FOXP2: variants seen among roughly 807,000 people sequenced by gnomAD.
The protein encoded by FOXP2 is forkhead box P2.
FOXP2 carries 12 observed loss-of-function variants against 115.8 expected under a neutral mutation model. That is an observed-to-expected ratio of 0.10 (90% confidence interval 0.07 to 0.17). The LOEUF (loss-of-function observed/expected upper bound fraction) is 0.17, where lower values mean the gene tolerates loss of function less well. FOXP2 is among the 10% of genes least tolerant of loss of function. The probability of loss-of-function intolerance (pLI) is 1.00; values close to 1 mark genes in which losing one functional copy is unlikely to be tolerated. For missense variants in FOXP2, 629 were observed against 843.5 expected, an observed-to-expected ratio of 0.75 and a Z score of 3.15; for synonymous variants, 328 against 297.7, an observed-to-expected ratio of 1.10 and a Z score of -1.05.
chr7:114,086,469 T>C, upstream of FOXP2: 1 of 340,298 alleles, frequency 2.9e-6, no homozygotes, highest in South Asian at 2.1e-5. Context: ...TGCGGCTTCC[T>C]CGGCCCCCCC....
chr7:114,116,022 T>A (rs899291041), intron 1 of FOXP2, among the ~76,000 whole-genome samples: 1 of 152,186 alleles, frequency 6.6e-6, no homozygotes, highest in Non-Finnish European at 1.5e-5. Flanking sequence ...AAATAGAATT[T>A]TTTTTGCTTT....
At chr7:114,143,216 A>G (rs1235933317) in intron 1 of FOXP2, among the ~76,000 whole-genome samples, 1 of 151,306 alleles carries the variant, frequency 6.6e-6, no homozygotes, top group African/African-American at 2.4e-5. Flanking sequence ...TGGAGAAATC[A>G]GCTGTGTCCC....
chr7:114,567,055 G>A (rs1293738854), intron 3 of FOXP2, among the ~76,000 whole-genome samples: 1 of 152,072 alleles, frequency 6.6e-6, no homozygotes, highest in East Asian at 1.9e-4. Flanking sequence ...TACTCATATA[G>A]GAGAGTCTTT....
intron 2 of FOXP2, among the ~76,000 whole-genome samples, chr7:114,467,988 C>T (rs1782701618): frequency 6.6e-6 from 1 of 152,158 alleles, no homozygotes; most frequent in Non-Finnish European, 1.5e-5. Flanking sequence ...GCATTGTCCT[C>T]AGTCTACTGC....
At chr7:114,597,595 T>C (rs1802797632) in intron 3 of FOXP2, among the ~76,000 whole-genome samples, 2 of 152,096 alleles carry the variant, frequency 1.3e-5, no homozygotes, top group South Asian at 2.1e-4. Context: ...GCTGGGTGAC[T>C]AGACAGAGTT....
At chr7:114,196,838 T>C (rs2129158646) in intron 1 of FOXP2, among the ~76,000 whole-genome samples, 1 of 152,268 alleles carries the variant, frequency 6.6e-6, no homozygotes, top group Admixed American at 6.5e-5. Context: ...ATCTTACTTG[T>C]TTTTAAAATA....
At chr7:114,294,362 T>C (rs1221364147) in intron 2 of FOXP2, among the ~76,000 whole-genome samples, 1 of 152,164 alleles carries the variant, frequency 6.6e-6, no homozygotes, top group Non-Finnish European at 1.5e-5. Context: ...AGTTTTCTGC[T>C]ATCTTTTAAT....
intron 1 of FOXP2, among the ~76,000 whole-genome samples, chr7:114,247,567 A>G (rs1795318412): frequency 2.0e-5 from 3 of 152,196 alleles, no homozygotes; most frequent in Non-Finnish European, 4.4e-5. Context: ...TCTAACTGGC[A>G]CATGGCTGCG....
At chr7:114,448,448 T>G (rs1433426736) in intron 2 of FOXP2, among the ~76,000 whole-genome samples, 1 of 152,128 alleles carries the variant, frequency 6.6e-6, no homozygotes, top group Non-Finnish European at 1.5e-5. Context: ...GTCACCATAA[T>G]ATAGTAAATG....
At chr7:114,549,960 A>G (rs1328096668) in intron 3 of FOXP2, among the ~76,000 whole-genome samples, 1 of 151,914 alleles carries the variant, frequency 6.6e-6, no homozygotes, top group East Asian at 1.9e-4. Context: ...TTCTAACTTT[A>G]ATTTTAATAT....
chr7:114,145,165 G>A (rs556697981), intron 1 of FOXP2, among the ~76,000 whole-genome samples: 2 of 152,046 alleles, frequency 1.3e-5, no homozygotes, highest in South Asian at 2.1e-4. Flanking sequence ...TGTACAGTAC[G>A]AATAATAATA....
rs1426025024 is a variant in FOXP2 at position 114,291,919 on chromosome 7, T to TACAG, written c.-11+3811_-11+3812insCAGA. On this transcript the variant is annotated intron_variant, in intron 2 of 17. Coordinates refer to the FOXP2 transcript ENST00000634411. ...TATAGATAATATATAGAATATATATTATAGATAATATATAGAATATATATT... is the reference window on the plus strand; with the variant it reads ...TATAGATAATATATAGAATATATATTACAGATAGATAATATATAGAATATATATT... Among the ~76,000 whole-genome samples the TACAG allele has an allele frequency of 3.4e-3, 494 of 143,364 alleles. 23 individuals are homozygous for TACAG. Among genetic ancestry groups the TACAG allele is most frequent in the Non-Finnish European group, 4.1e-3 (268 of 65,632 alleles). The allele number at this position is 143,364 out of a possible 152,430, so 94.1% of individuals were successfully genotyped here.
At chr7:114,645,091 A>C (rs550653955) in intron 8 of FOXP2, 1 of 154,430 alleles carries the variant, frequency 6.5e-6, no homozygotes, top group African/African-American at 2.8e-5. Flanking sequence ...AATTCTCTTA[A>C]GTTTTAAGTT....
chr7:114,539,466 T>C (rs115275371), intron 3 of FOXP2, among the ~76,000 whole-genome samples: 1,734 of 151,972 alleles, frequency 0.011, 27 homozygotes, highest in African/African-American at 0.036. Context: ...ATGCCAGAAA[T>C]TTAGAAATAA....
chr7:114,381,936 C>G (rs1792313837), intron 2 of FOXP2, among the ~76,000 whole-genome samples: 1 of 152,154 alleles, frequency 6.6e-6, no homozygotes, highest in African/African-American at 2.4e-5. Context: ...TATTGTCCTT[C>G]TGTTGCCCAG....
chr7:114,651,268 C>T (rs895248406), intron 8 of FOXP2, among the ~76,000 whole-genome samples: 8 of 152,038 alleles, frequency 5.3e-5, no homozygotes, highest in Non-Finnish European at 8.8e-5. Flanking sequence ...ATGATGAGAA[C>T]ATCTCTGAAA....
At chr7:114,443,328 G>A (rs760876113) in intron 2 of FOXP2, among the ~76,000 whole-genome samples, 1 of 152,066 alleles carries the variant, frequency 6.6e-6, no homozygotes, top group Non-Finnish European at 1.5e-5. Flanking sequence ...AGGCACATGC[G>A]ATTTATTCTA....
At chr7:114,425,089 G>A (rs1227254470) in intron 1 of FOXP2, among the ~76,000 whole-genome samples, 1 of 151,454 alleles carries the variant, frequency 6.6e-6, no homozygotes, top group African/African-American at 2.4e-5. Flanking sequence ...TAGTGTTTGT[G>A]TGCATCGCAT....
chr7:114,354,222 C>T (rs1791561415), intron 2 of FOXP2, among the ~76,000 whole-genome samples: 1 of 152,052 alleles, frequency 6.6e-6, no homozygotes, highest in Non-Finnish European at 1.5e-5. Flanking sequence ...GAGAATTACA[C>T]CATCAGATCC....
Sources: gnomAD v4.1 joint callset for allele counts (sites outside exome capture counted in the v4.1 genomes callset) on GRCh38, gnomAD v4.1.1 for gene constraint, MANE v1.5 for transcripts, NCBI Gene and HGNC (gene_info 2026-07-23, HGNC 2026-07-21) for gene names.